The following SPACA7 variants were observed in gnomAD, a reference collection of about 807,000 sequenced individuals.
SPACA7 encodes the protein sperm acrosome associated 7.
A neutral mutation model predicts 26.3 loss-of-function variants in SPACA7; 19 were observed. The ratio of observed to expected loss-of-function variants is 0.72; its 90% CI spans 0.50 to 1.06. SPACA7 has a LOEUF of 1.06. SPACA7 is among the 50% of genes least tolerant of loss of function. The pLI, the probability that SPACA7 is intolerant of heterozygous loss-of-function variation, is 0.00. For missense variants in SPACA7, 211 were observed against 229.9 expected (o/e 0.92, Z 0.53); for synonymous variants, 84 against 84.5 (o/e 0.99, Z 0.04).
At chr13:112,392,785 T>A (rs1020539060) in intron 1 of SPACA7, among the ~76,000 whole-genome samples, 1 of 152,080 alleles carries the variant, frequency 6.6e-6, no homozygotes, top group Non-Finnish European at 1.5e-5. Context: ...TTGTCCTCCA[T>A]CCTCACAGCC....
chr13:112,399,146 G>A lies in SPACA7; in HGVS notation c.322G>A (p.Gly108Ser). The A allele has an allele frequency of 6.2e-7, 1 of 1,603,330 alleles. No individual in the cohort carries two copies. The highest frequency in any genetic ancestry group is 8.5e-7 in the Non-Finnish European group (1 of 1,170,244). ...ELLENLQFSP[G>S]IEVKISNDEA... ...ATTAGAGAATTTACAATTCTCTCCT[G>A]GCATTGAGGTCAAAATTTCCAATGA... Residue 108 changes from glycine (G) to serine (S), a missense_variant, in exon 4 of 7, where the codon GGC (glycine) becomes AGC (serine). Transcript: ENST00000283550.
At chr13:112,424,258 T>C (rs1271270190) in intron 5 of SPACA7, among the ~76,000 whole-genome samples, 2 of 152,218 alleles carry the variant, frequency 1.3e-5, no homozygotes, top group African/African-American at 4.8e-5. Context: ...GTGGTGATGC[T>C]GCGTTGGGAG....
At chr13:112,413,095 G>A (rs1396841133) in intron 5 of SPACA7, among the ~76,000 whole-genome samples, 1 of 151,920 alleles carries the variant, frequency 6.6e-6, no homozygotes, top group Admixed American at 6.6e-5. Context: ...TTATACTAAA[G>A]ATATGAGTGG....
At chr13:112,434,356 G>A (rs1877521743) in intron 6 of SPACA7, 129 bp from the exon 7 acceptor site, 3 of 761,336 alleles carry the variant, frequency 3.9e-6, no homozygotes, top group African/African-American at 3.4e-5. Flanking sequence ...CACATCCGCA[G>A]GGCTCTCCCC....
At chr13:112,387,326 G>A (rs1884589587) in intron 1 of SPACA7, among the ~76,000 whole-genome samples, 1 of 152,214 alleles carries the variant, frequency 6.6e-6, no homozygotes, top group Non-Finnish European at 1.5e-5. Context: ...ATCCAGTATT[G>A]GTTTCAGGGA....
chr13:112,392,263 C>T (rs558944287), intron 1 of SPACA7, among the ~76,000 whole-genome samples: 14 of 152,286 alleles, frequency 9.2e-5, no homozygotes, highest in African/African-American at 3.1e-4. Flanking sequence ...TGCTCAGAAC[C>T]GCCACCCACT....
chr13:112,426,568 C>T (rs540162748), intron 5 of SPACA7, among the ~76,000 whole-genome samples: 1 of 152,140 alleles, frequency 6.6e-6, no homozygotes. Flanking sequence ...TCTTTGCTTT[C>T]TTTCACTTTT....
intron 5 of SPACA7, among the ~76,000 whole-genome samples, chr13:112,420,565 A>G (rs555938445): frequency 1.3e-5 from 2 of 152,216 alleles, no homozygotes; most frequent in African/African-American, 2.4e-5. Context: ...CCATATTACC[A>G]AAGAGTTATG....
intron 5 of SPACA7, among the ~76,000 whole-genome samples, chr13:112,412,775 G>C (rs9577746): frequency 2.0e-5 from 3 of 152,084 alleles, no homozygotes; most frequent in Non-Finnish European, 4.4e-5. Flanking sequence ...TAAATGCATA[G>C]ATTTATTTCT....
intron 1 of SPACA7, among the ~76,000 whole-genome samples, chr13:112,380,998 G>A (rs1173149485): frequency 2.0e-5 from 3 of 152,028 alleles, no homozygotes; most frequent in Non-Finnish European, 4.4e-5. Flanking sequence ...TTTTCAAGGT[G>A]GCAAAAACAA....
intron 2 of SPACA7, among the ~76,000 whole-genome samples, chr13:112,394,321 C>T (rs1885090859): frequency 1.3e-5 from 2 of 151,912 alleles, no homozygotes; most frequent in African/African-American, 4.8e-5. Context: ...CTCCCAGGAC[C>T]TCTCTGCCAG....
intron 6 of SPACA7, among the ~76,000 whole-genome samples, chr13:112,432,776 G>A (rs1294155621): frequency 6.6e-6 from 1 of 152,170 alleles, no homozygotes. Flanking sequence ...CAGGGGACTA[G>A]TCCCCCTTTT....
At chr13:112,390,139 G>C (rs1031260279) in intron 1 of SPACA7, among the ~76,000 whole-genome samples, 1 of 57,824 alleles carries the variant, frequency 1.7e-5, no homozygotes, top group African/African-American at 4.4e-5. Flanking sequence ...TAATGGGGGT[G>C]GGGGGAGGAG....
intron 1 of SPACA7, among the ~76,000 whole-genome samples, chr13:112,377,664 C>T (rs1283066498): frequency 6.6e-6 from 1 of 152,176 alleles, no homozygotes; most frequent in Non-Finnish European, 1.5e-5. Flanking sequence ...AAAGCAGAAG[C>T]TAGGGTCAAG....
intron 5 of SPACA7, among the ~76,000 whole-genome samples, chr13:112,409,658 A>C (rs939633149): frequency 7.2e-5 from 11 of 152,256 alleles, no homozygotes; most frequent in African/African-American, 2.7e-4. Context: ...AATCAAAACC[A>C]CAATAAGATA....
intron 5 of SPACA7, among the ~76,000 whole-genome samples, chr13:112,431,909 G>C (rs576502027): frequency 4.6e-5 from 7 of 152,298 alleles, no homozygotes; most frequent in Admixed American, 4.6e-4. Flanking sequence ...AGCCACTCCT[G>C]AACTGATTAG....
chr13:112,425,207 T>G (rs1377172438), intron 5 of SPACA7, among the ~76,000 whole-genome samples: 1 of 151,944 alleles, frequency 6.6e-6, no homozygotes, highest in East Asian at 1.9e-4. Flanking sequence ...CAGGGTGACA[T>G]AGGCCAGGAG....
At chr13:112,413,891 T>C (rs1425602491) in intron 5 of SPACA7, among the ~76,000 whole-genome samples, 1 of 152,200 alleles carries the variant, frequency 6.6e-6, no homozygotes, top group Admixed American at 6.5e-5. Flanking sequence ...TTATGCAGGC[T>C]GTACAGGAAG....
chr13:112,382,153 T>A, intron 1 of SPACA7: 1 of 333,100 alleles, frequency 3.0e-6, no homozygotes, highest in Admixed American at 4.6e-5. Flanking sequence ...CAAGAGGGAG[T>A]CAGTTAAGCT....
Sources: gnomAD v4.1 joint callset for allele counts (sites outside exome capture counted in the v4.1 genomes callset) on GRCh38, gnomAD v4.1.1 for gene constraint, MANE v1.5 for transcripts, NCBI Gene and HGNC (gene_info 2026-07-23, HGNC 2026-07-21) for gene names.